PPP1R9A: variants seen among roughly 807,000 people sequenced by gnomAD.
PPP1R9A encodes neurabin-1.
In PPP1R9A, 59 loss-of-function variants were observed where a neutral mutation model predicts 141.9. The ratio of observed to expected loss-of-function variants is 0.42; its 90% confidence interval spans 0.34 to 0.52. The LOEUF (loss-of-function observed/expected upper bound fraction) is 0.52. Ranked by LOEUF, PPP1R9A falls within the 20% of genes least tolerant of loss-of-function variation. The probability of loss-of-function intolerance (pLI) is 0.10; values close to 1 mark genes in which losing one functional copy is unlikely to be tolerated. For synonymous variants in PPP1R9A, 500 were observed against 569.7 expected (o/e 0.88, Z 1.74); for missense variants, 1,444 against 1,611.9 (o/e 0.90, Z 1.78).
intron 4 of PPP1R9A, among the ~76,000 whole-genome samples, chr7:95,160,292 T>C (rs2152706159): frequency 6.6e-6 from 1 of 152,254 alleles, no homozygotes; most frequent in East Asian, 1.9e-4. Flanking sequence ...AAGTTTTTCC[T>C]TAGGGAAGAT....
chr7:95,269,326 T>C lies in PPP1R9A; in HGVS notation c.2943T>C (p.Asn981=), dbSNP rs1237393313. The C allele has an allele frequency of 3.8e-6, 6 of 1,598,714 alleles. No individual in the cohort carries two copies. Among genetic ancestry groups the C allele is most frequent in the Non-Finnish European group, 5.1e-6 (6 of 1,179,476 alleles). The part of the protein sequence containing the change: ...GVPPLTPVDS[N]VPFSSDHIAE... ...CACCCCTCACCCCGGTGGATAGCAATGTGCCCTTCTCGTCTGACCACATAG... is the reference window on the plus strand; with the variant it reads ...CACCCCTCACCCCGGTGGATAGCAACGTGCCCTTCTCGTCTGACCACATAG... The change falls in exon 14 of 20, where the codon AAT becomes AAC. Residue 981 remains asparagine, a synonymous_variant. Coordinates refer to ENST00000433360, the MANE Select transcript of PPP1R9A (RefSeq NM_001166160.2).
chr7:95,139,819 A>G (rs1447665519), intron 4 of PPP1R9A, among the ~76,000 whole-genome samples: 3 of 151,512 alleles, frequency 2.0e-5, no homozygotes, highest in East Asian at 3.9e-4. Flanking sequence ...TTAAAAAAAA[A>G]AAAAAAAGAA....
intron 1 of PPP1R9A, among the ~76,000 whole-genome samples, chr7:94,909,417 T>C (rs1450769674): frequency 1.3e-5 from 2 of 152,230 alleles, no homozygotes; most frequent in African/African-American, 2.4e-5. Flanking sequence ...GCTGTAGGCA[T>C]GTTTTGGAGT....
At chr7:95,114,049 A>G (rs1407244091) in intron 3 of PPP1R9A, among the ~76,000 whole-genome samples, 1 of 152,188 alleles carries the variant, frequency 6.6e-6, no homozygotes, top group Admixed American at 6.5e-5. Context: ...TTCATTGGCC[A>G]TACAAACACA....
At chr7:95,246,148 A>G (rs1268048292) in intron 8 of PPP1R9A, among the ~76,000 whole-genome samples, 2 of 152,098 alleles carry the variant, frequency 1.3e-5, no homozygotes, top group Non-Finnish European at 1.5e-5. Flanking sequence ...TGGTTCTTCC[A>G]TCTTCCCTTT....
At chr7:95,022,356 C>G (rs1214560016) in intron 2 of PPP1R9A, among the ~76,000 whole-genome samples, 6 of 152,110 alleles carry the variant, frequency 3.9e-5, no homozygotes, top group Admixed American at 3.9e-4. Context: ...TGCTTATCAG[C>G]TTAAGGAGAT....
chr7:95,287,433 T>C (rs954903240), intron 18 of PPP1R9A, among the ~76,000 whole-genome samples: 2 of 152,190 alleles, frequency 1.3e-5, no homozygotes, highest in African/African-American at 4.8e-5. Flanking sequence ...CAGCTTACCC[T>C]ATCCCTTCTT....
intron 2 of PPP1R9A, among the ~76,000 whole-genome samples, chr7:94,981,040 G>A (rs1463434591): frequency 6.6e-6 from 1 of 152,124 alleles, no homozygotes; most frequent in African/African-American, 2.4e-5. Context: ...TTTGTAAATT[G>A]CTGTGCAGCT....
intron 2 of PPP1R9A, among the ~76,000 whole-genome samples, chr7:95,040,475 C>CAA (rs932234387): frequency 6.7e-6 from 1 of 149,874 alleles, no homozygotes; most frequent in Non-Finnish European, 1.5e-5. Flanking sequence ...CTTGTTTCTA[C>CAA]AAAAAAAAAT....
chr7:95,030,546 A>G lies in PPP1R9A; in HGVS notation c.1396-80713A>G, dbSNP rs76602342. 7.6e-4 allele frequency among the ~76,000 whole-genome samples: 115 copies of G among 152,202 alleles called. No individual in the cohort carries two copies. The East Asian group carries it at 0.02, about 26-fold the overall frequency. ...TGAGATCAGGGAAAGAGACTGACAT[A>G]TACTTTTAGATGTCTGATTTCCTAG... On this transcript the variant is annotated intron_variant, in intron 2 of 19. Coordinates refer to ENST00000433360, the MANE Select transcript of PPP1R9A (RefSeq NM_001166160.2).
At chr7:94,973,477 GGA>G (rs35911327) in intron 2 of PPP1R9A, among the ~76,000 whole-genome samples, 2,035 of 152,146 alleles carry the variant, frequency 0.013, 50 homozygotes, top group African/African-American at 0.047. Flanking sequence ...TATAGATTTT[GGA>G]GAGTTGAACT....
At chr7:95,028,919 A>G (rs1481556334) in intron 2 of PPP1R9A, among the ~76,000 whole-genome samples, 1 of 152,188 alleles carries the variant, frequency 6.6e-6, no homozygotes, top group Non-Finnish European at 1.5e-5. Flanking sequence ...TTGGACAAAC[A>G]AGGAGGTCAG....
At chr7:95,015,705 G>C (rs1270906841) in intron 2 of PPP1R9A, among the ~76,000 whole-genome samples, 2 of 152,102 alleles carry the variant, frequency 1.3e-5, no homozygotes, top group Non-Finnish European at 2.9e-5. Flanking sequence ...TGAAGAGAAA[G>C]TCACATTTAA....
At chr7:95,204,703 CCA>C (rs899286241) in intron 7 of PPP1R9A, among the ~76,000 whole-genome samples, 9 of 139,732 alleles carry the variant, frequency 6.4e-5, no homozygotes, top group South Asian at 4.8e-4. Flanking sequence ...CCCACACACA[CCA>C]CACACACACA....
At chr7:95,107,596 A>T (rs1427673658) in intron 2 of PPP1R9A, among the ~76,000 whole-genome samples, 1 of 152,112 alleles carries the variant, frequency 6.6e-6, no homozygotes, top group Non-Finnish European at 1.5e-5. Flanking sequence ...TTCATAATTT[A>T]TTAAATAGAC....
intron 2 of PPP1R9A, among the ~76,000 whole-genome samples, chr7:94,967,396 A>G (rs1232477934): frequency 2.0e-5 from 3 of 151,492 alleles, no homozygotes; most frequent in Non-Finnish European, 4.4e-5. Context: ...TAGTTCTTTT[A>G]ATTGTGATGT....
chr7:94,914,534 A>G (rs1198486932), intron 2 of PPP1R9A, among the ~76,000 whole-genome samples: 2 of 152,184 alleles, frequency 1.3e-5, no homozygotes, highest in Non-Finnish European at 2.9e-5. Flanking sequence ...ATAGATTGTT[A>G]TGTTTCATAG....
At chr7:95,146,852 T>C (rs1383399066) in intron 4 of PPP1R9A, among the ~76,000 whole-genome samples, 4 of 152,236 alleles carry the variant, frequency 2.6e-5, no homozygotes, top group Admixed American at 6.5e-5. Flanking sequence ...TTCCATTGGC[T>C]TATATATCTG....
chr7:95,038,634 C>T (rs1267897980), intron 2 of PPP1R9A, among the ~76,000 whole-genome samples: 1 of 152,066 alleles, frequency 6.6e-6, no homozygotes, highest in Admixed American at 6.6e-5. Context: ...CTGTAGCCTT[C>T]CTGCTTCACT....
Sources: allele counts gnomAD v4.1 joint callset (sites outside exome capture counted in the v4.1 genomes callset), GRCh38; gene constraint gnomAD v4.1.1; transcripts MANE v1.5; gene names NCBI Gene and HGNC (gene_info 2026-07-23, HGNC 2026-07-21).